The following IRF2 variants were observed in gnomAD, a reference collection of about 807,000 sequenced individuals.
The protein encoded by IRF2 is interferon regulatory factor 2.
A neutral mutation model predicts 40.6 loss-of-function variants in IRF2; 15 were observed. The observed-to-expected ratio is 0.37, with a 90% CI of 0.25 to 0.57. The LOEUF (loss-of-function observed/expected upper bound fraction) is 0.57, where lower values mean the gene tolerates loss of function less well. Among genes scored for constraint, IRF2 ranks in the 20% least tolerant of loss-of-function variants. The pLI is 0.77. For synonymous variants in IRF2, 151 were observed against 165.5 expected (o/e 0.91, Z 0.67); for missense variants, 317 against 455.7 (o/e 0.70, Z 2.77).
Position 184,448,950 on chromosome 4 carries a change from G to C in IRF2, c.-6-19880C>G, listed in dbSNP as rs959026282. 2 of 152,258 alleles carry C rather than the reference G, an allele frequency of 1.3e-5. No individual in the cohort carries two copies. Among genetic ancestry groups the C allele is most frequent in the South Asian group, 4.1e-4 (2 of 4,824 alleles). 9.4% of individuals were successfully genotyped at this position (152,258 alleles called of 1,614,324 possible). A position where few individuals can be genotyped will look rare whatever the true frequency, so the allele number is the denominator to read the frequency against. ...GTGCAAGACGGAAGCCTGAACAACT[G>C]TCAGTTCCACTTGCTCGTACTTGGC... On this transcript the variant is annotated intron_variant, in intron 1 of 8. Coordinates refer to ENST00000393593, the MANE Select transcript of IRF2 (RefSeq NM_002199.4). The surrounding 1 kb of genome is among the most constrained non-coding windows in gnomAD (Gnocchi z 4.3).
intron 3 of IRF2, 68 bp downstream of exon 3, chr4:184,419,401 T>C: frequency 2.9e-6 from 3 of 1,048,566 alleles, no homozygotes; most frequent in Non-Finnish European, 4.5e-6. Flanking sequence ...CAGGCTATTT[T>C]ATGTGTAATA....
intron 8 of IRF2, among the ~76,000 whole-genome samples, chr4:184,389,887 C>T (rs149686877): frequency 1.7e-3 from 259 of 152,262 alleles, no homozygotes; most frequent in African/African-American, 5.8e-3. Flanking sequence ...CAAATGGGGG[C>T]GGCTTAGAGC....
chr4:184,418,236 T>C (rs753137063), intron 4 of IRF2, 23 bp from the exon 5 acceptor site: 2 of 1,596,922 alleles, frequency 1.3e-6, no homozygotes, highest in Middle Eastern at 1.7e-4. Flanking sequence ...AAATGTAGTT[T>C]TGGATTAATT....
intron 6 of IRF2, among the ~76,000 whole-genome samples, chr4:184,401,265 C>T (rs574297915): frequency 5.0e-4 from 76 of 152,284 alleles, no homozygotes; most frequent in African/African-American, 1.8e-3. Context: ...TAATTGCTGT[C>T]TGTGGAGTGA....
chr4:184,470,550 G>A (rs1413679587), intron 1 of IRF2, among the ~76,000 whole-genome samples: 1 of 152,058 alleles, frequency 6.6e-6, no homozygotes, highest in Admixed American at 6.5e-5. Context: ...GCATGGTAGC[G>A]CACGCCTGCG....
At chr4:184,426,529 T>C (rs1737680749) in intron 2 of IRF2, among the ~76,000 whole-genome samples, 1 of 152,160 alleles carries the variant, frequency 6.6e-6, no homozygotes, top group African/African-American at 2.4e-5. Context: ...CTCAAGGTCC[T>C]TCACTATATC....
intron 7 of IRF2, among the ~76,000 whole-genome samples, chr4:184,393,687 C>A (rs746121088): frequency 2.6e-5 from 4 of 152,190 alleles, no homozygotes; most frequent in Non-Finnish European, 5.9e-5. Flanking sequence ...TAAAGAGCGT[C>A]GTGTCTAGAT....
intron 1 of IRF2, among the ~76,000 whole-genome samples, chr4:184,434,892 A>T (rs535696243): frequency 1.3e-5 from 2 of 152,270 alleles, no homozygotes; most frequent in African/African-American, 4.8e-5. Context: ...CATTAAAACT[A>T]GGGTTTTCTT....
intron 1 of IRF2, among the ~76,000 whole-genome samples, chr4:184,433,205 G>A (rs995778448): frequency 2.6e-5 from 4 of 152,180 alleles, no homozygotes; most frequent in Non-Finnish European, 4.4e-5. Flanking sequence ...GAAATCCAGC[G>A]CTTCGCCAAC....
intron 1 of IRF2, among the ~76,000 whole-genome samples, chr4:184,433,632 C>G (rs1392537496): frequency 6.7e-6 from 1 of 149,358 alleles, no homozygotes; most frequent in African/African-American, 2.5e-5. Flanking sequence ...AAGGGCTACA[C>G]TTATTTCAGG....
intron 6 of IRF2, chr4:184,407,413 G>A (rs116595880): frequency 1.9e-5 from 7 of 366,636 alleles, no homozygotes; most frequent in Non-Finnish European, 3.6e-5. Context: ...CAGAAGATGT[G>A]TCTTCATTGT....
At chr4:184,458,898 T>C (rs1739035864) in intron 1 of IRF2, among the ~76,000 whole-genome samples, 1 of 152,208 alleles carries the variant, frequency 6.6e-6, no homozygotes, top group African/African-American at 2.4e-5. Context: ...TCTCCTGCTG[T>C]CAACAATTCA....
At chr4:184,416,522 C>A (rs993675229) in intron 5 of IRF2, among the ~76,000 whole-genome samples, 1 of 151,976 alleles carries the variant, frequency 6.6e-6, no homozygotes, top group Non-Finnish European at 1.5e-5. Flanking sequence ...ACAAACTACA[C>A]GAATGTTATA....
intron 5 of IRF2, among the ~76,000 whole-genome samples, chr4:184,412,712 C>T (rs978518439): frequency 1.3e-5 from 2 of 152,122 alleles, no homozygotes; most frequent in African/African-American, 4.8e-5. Context: ...AACCACCTTC[C>T]TTCTGCTCCT....
intron 1 of IRF2, among the ~76,000 whole-genome samples, chr4:184,443,117 G>T (rs1338601484): frequency 1.3e-5 from 2 of 152,112 alleles, no homozygotes; most frequent in African/African-American, 4.8e-5. Flanking sequence ...GTAGAGATGG[G>T]GTTTCACCAT....
rs532740230 is a variant in IRF2, at chr4:184,414,546, C to T, written c.411+3621G>A. On this transcript the variant is annotated intron_variant, in intron 5 of 8. Transcript: ENST00000393593. Reference sequence around the variant, plus strand: ...ATTTCCTTAGATAACCAGTTACCGCCGCACAGGTGGGGCTTAGCTCAAGGA... The same window carrying T: ...ATTTCCTTAGATAACCAGTTACCGCTGCACAGGTGGGGCTTAGCTCAAGGA... Among the ~76,000 whole-genome samples the T allele has an allele frequency of 1.1e-4, 17 of 152,320 alleles. No homozygotes were observed. The South Asian group carries it at 1.4e-3, about 13-fold the overall frequency.
chr4:184,464,418 A>T (rs1190192860), intron 1 of IRF2, among the ~76,000 whole-genome samples: 1 of 151,718 alleles, frequency 6.6e-6, no homozygotes, highest in African/African-American at 2.4e-5. Context: ...ATATGAATAT[A>T]GGAGCCATAT....
chr4:184,411,025 ACT>A (rs1376927224), intron 5 of IRF2, among the ~76,000 whole-genome samples: 1 of 146,828 alleles, frequency 6.8e-6, no homozygotes, highest in Non-Finnish European at 1.5e-5. Flanking sequence ...AGACTGAGAC[ACT>A]CTTTTGAACA....
At chr4:184,414,668 T>C (rs1424251820) in intron 5 of IRF2, among the ~76,000 whole-genome samples, 1 of 152,256 alleles carries the variant, frequency 6.6e-6, no homozygotes, top group Admixed American at 6.5e-5. Context: ...CCAATGGGCC[T>C]TGGGTGTTCC....
Sources: gnomAD v4.1 joint callset for allele counts (sites outside exome capture counted in the v4.1 genomes callset) on GRCh38, gnomAD v4.1.1 for gene constraint, Gnocchi (gnomAD v3.1) non-coding constraint, MANE v1.5 for transcripts, NCBI Gene and HGNC (gene_info 2026-07-23, HGNC 2026-07-21) for gene names.